ERAP1: variants seen among roughly 807,000 people sequenced by gnomAD.
The protein encoded by ERAP1 is endoplasmic reticulum aminopeptidase 1.
In ERAP1, 86 loss-of-function variants were observed where a neutral mutation model predicts 103.7. That is an observed-to-expected ratio of 0.83 (90% CI 0.70 to 0.99). The LOEUF (loss-of-function observed/expected upper bound fraction) is 0.99, where lower values mean the gene tolerates loss of function less well. Among genes scored for constraint, ERAP1 ranks in the 50% least tolerant of loss-of-function variants. The probability of loss-of-function intolerance (pLI) is 0.00; values close to 1 mark genes in which losing one functional copy is unlikely to be tolerated. For synonymous variants in ERAP1, 398 were observed against 402.4 expected (o/e 0.99, Z 0.13); for missense variants, 1,009 against 1,128.4 (o/e 0.89, Z 1.52).
At chr5:96,819,194 G>T in the ERAP1 span, among the ~76,000 whole-genome samples, 1 of 152,168 alleles carries the variant, frequency 6.6e-6, no homozygotes, top group African/African-American at 2.4e-5. Context: ...AATGTGCTGG[G>T]ATTCCAGGCG....
Position 96,800,903 on chromosome 5 carries a change from T to C in ERAP1, c.622A>G (p.Arg208Gly). ...AFKASFSIKI[R>G]REPRHLAISN... ...ATGGCTAGGTGCCTTGGCTCTCTTC[T>C]AATTTTGATTGAGAAACTTGCTTTG... The change falls in exon 3 of 19, where the codon AGA becomes GGA. Residue 208 changes from arginine (R) to glycine (G), a missense_variant. Transcript: ENST00000443439. 6.2e-7 allele frequency: 1 copy of C among 1,614,172 alleles called. No individual in the cohort carries two copies. The highest frequency in any genetic ancestry group is 2.2e-5 in the East Asian group (1 of 44,878).
the ERAP1 span, among the ~76,000 whole-genome samples, chr5:96,818,057 G>A: frequency 1.2e-4 from 19 of 152,112 alleles, no homozygotes; most frequent in African/African-American, 4.3e-4. Context: ...TCATGAGGAA[G>A]CCTCAAGTAA....
chr5:96,764,325 G>A (rs1288139727), intron 19 of ERAP1, among the ~76,000 whole-genome samples: 2 of 152,086 alleles, frequency 1.3e-5, no homozygotes, highest in Non-Finnish European at 2.9e-5. Flanking sequence ...TCACGGCCAA[G>A]GAAACTGAAG....
chr5:96,775,880 G>C lies in ERAP1; in HGVS notation c.*516C>G, dbSNP rs1774176526. 3.6e-6 allele frequency: 3 copies of C among 836,290 alleles called. No homozygotes were observed. The African/African-American group carries it at 5.5e-5, about 15-fold the overall frequency. The allele number at this position is 836,290 out of a possible 1,614,324, so 51.8% of individuals were successfully genotyped here. Reference sequence around the variant, plus strand: ...CATCCAAAGGGCAAGAAAGCTTGATGACTTGGCCTTTACAAGTCAGCCCCT... The same window carrying C: ...CATCCAAAGGGCAAGAAAGCTTGATCACTTGGCCTTTACAAGTCAGCCCCT... On this transcript the variant is annotated 3_prime_UTR_variant, in exon 19 of 19. Transcript: ENST00000443439.
chr5:96,795,993 AAAT>A (rs1298988326), intron 4 of ERAP1, among the ~76,000 whole-genome samples: 1 of 152,244 alleles, frequency 6.6e-6, no homozygotes, highest in Non-Finnish European at 1.5e-5. Context: ...GACATTACTA[AAAT>A]AATCATTTCT....
chr5:96,794,007 C>T, intron 5 of ERAP1, 50 bp from the exon 6 acceptor site: 1 of 1,576,990 alleles, frequency 6.3e-7, no homozygotes, highest in Non-Finnish European at 8.7e-7. Context: ...GCTATACATT[C>T]TCCCAAACAC....
chr5:96,837,007 T>A, the ERAP1 span, among the ~76,000 whole-genome samples: 1 of 152,214 alleles, frequency 6.6e-6, no homozygotes, highest in Non-Finnish European at 1.5e-5. Context: ...AAAATTATGA[T>A]GTCATAAGGA....
chr5:96,845,493 G>A, the ERAP1 span, among the ~76,000 whole-genome samples: 4 of 151,982 alleles, frequency 2.6e-5, no homozygotes, highest in African/African-American at 9.7e-5. Context: ...CCTTGGCCTC[G>A]CAAAGTGCTG....
Position 96,766,181 on chromosome 5 carries a change from T to G in ERAP1, c.2819-2953A>C, listed in dbSNP as rs774182424. ...GCAAATTGCTAGATCGGATTTATGC[T>G]ACCAAGATCTTTAAATTCAAACCTC... On this transcript the variant is annotated intron_variant, in intron 19 of 19. Coordinates refer to the ERAP1 transcript ENST00000296754. 4.4e-6 allele frequency: 5 copies of G among 1,147,706 alleles called. No individual in the cohort carries two copies. The South Asian group carries it at 6.4e-5, about 15-fold the overall frequency. The allele number at this position is 1,147,706 out of a possible 1,614,324, so 71.1% of individuals were successfully genotyped here.
the ERAP1 span, chr5:96,896,304 T>C: frequency 7.9e-7 from 1 of 1,264,248 alleles, no homozygotes. Context: ...TTACTAAACC[T>C]ACTATGTTTT....
Position 96,800,891 on chromosome 5 carries a change from T to C in ERAP1, c.634A>G (p.Arg212Gly). 6.2e-7 allele frequency: 1 copy of C among 1,614,188 alleles called. No individual in the cohort carries two copies. The highest frequency in any genetic ancestry group is 8.5e-7 in the Non-Finnish European group (1 of 1,180,026). Reference sequence around the variant, plus strand: ...GGCATATTGGAGATGGCTAGGTGCCTTGGCTCTCTTCTAATTTTGATTGAG... The same window carrying C: ...GGCATATTGGAGATGGCTAGGTGCCCTGGCTCTCTTCTAATTTTGATTGAG... ...SFSIKIRREP[R>G]HLAISNMPLV... Residue 212 changes from arginine (R) to glycine (G), a missense_variant, in exon 3 of 19, where the codon AGG becomes GGG. Arg to Gly is a moderately radical substitution (Grantham distance 125). This residue lies in a region of ERAP1 where 392 missense variants were observed against 455.2 expected (regional missense o/e 0.86). Coordinates refer to ENST00000443439, the MANE Select transcript of ERAP1 (RefSeq NM_001040458.3).
intron 6 of ERAP1, 97 bp from the exon 7 acceptor site, chr5:96,793,610 G>T: frequency 2.7e-6 from 3 of 1,113,648 alleles, no homozygotes; most frequent in Non-Finnish European, 4.0e-6. Context: ...ATATTTACAG[G>T]ACCAATATTT....
chr5:96,817,592 G>A, the ERAP1 span, among the ~76,000 whole-genome samples: 5 of 152,162 alleles, frequency 3.3e-5, no homozygotes, highest in East Asian at 5.8e-4. Context: ...TAATCATTGG[G>A]AAGGCTTAAA....
chr5:96,840,787 C>A, the ERAP1 span, among the ~76,000 whole-genome samples: 1 of 151,880 alleles, frequency 6.6e-6, no homozygotes, highest in East Asian at 1.9e-4. Context: ...CTCACTGCAA[C>A]CTCCGCCTCC....
the ERAP1 span, chr5:96,889,188 T>A: frequency 6.2e-7 from 1 of 1,614,098 alleles, no homozygotes; most frequent in Non-Finnish European, 8.5e-7. Context: ...TTCCCAGGTG[T>A]CCATCTATGC....
At chr5:96,892,339 A>G in the ERAP1 span, 1 of 1,613,982 alleles carries the variant, frequency 6.2e-7, no homozygotes, top group Non-Finnish European at 8.5e-7. Context: ...GAGCCATGGA[A>G]AATTGGGGCC....
At chr5:96,844,732 T>C in the ERAP1 span, among the ~76,000 whole-genome samples, 1 of 152,210 alleles carries the variant, frequency 6.6e-6, no homozygotes, top group African/African-American at 2.4e-5. Flanking sequence ...GAAAAGAGAA[T>C]GCTAAAAACA....
rs1177805624 is a variant in ERAP1 at position 96,803,405 on chromosome 5, C to T, written c.522G>A (p.Leu174=). 1 of 1,613,058 alleles carries T rather than the reference C, an allele frequency of 6.2e-7. No individual in the cohort carries two copies. Among genetic ancestry groups the T allele is most frequent in the Non-Finnish European group, 8.5e-7 (1 of 1,179,722 alleles). Residue 174 remains leucine, a splice_region_variant and synonymous_variant, in exon 2 of 19, where the codon CTG becomes CTA. Coordinates refer to ENST00000443439, the MANE Select transcript of ERAP1 (RefSeq NM_001040458.3). ...AAGAAAAAGAGAAAAAAAAATACCT[C>T]AGTTCCCCTTCCTTGGTTCTGTAGG... ...KSTYRTKEGE[L]RILASTQFEP... is the part of the protein sequence containing the mutation.
the ERAP1 span, among the ~76,000 whole-genome samples, chr5:96,882,649 A>T: frequency 1.3e-5 from 2 of 152,174 alleles, no homozygotes; most frequent in South Asian, 4.1e-4. Context: ...TTCAATGTAG[A>T]CTTGTTACAA....
Sources: gnomAD v4.1 joint callset for allele counts (sites outside exome capture counted in the v4.1 genomes callset) on GRCh38, gnomAD v4.1.1 for gene constraint, gnomAD v4.1.1 regional missense constraint, MANE v1.5 for transcripts, NCBI Gene and HGNC (gene_info 2026-07-23, HGNC 2026-07-21) for gene names.